MTMR3: variants seen among roughly 807,000 people sequenced by gnomAD.
The protein encoded by MTMR3 is myotubularin related protein 3, also known as phosphatidylinositol-3,5-bisphosphate 3-phosphatase MTMR3.
A neutral mutation model predicts 132.4 loss-of-function variants in MTMR3; 32 were observed. The ratio of observed to expected loss-of-function variants is 0.24; its 90% CI spans 0.18 to 0.32. The LOEUF is 0.32. Ranked by LOEUF, MTMR3 falls within the 10% of genes least tolerant of loss-of-function variation. The pLI is 1.00. For missense variants in MTMR3, 1,216 were observed against 1,489.6 expected (o/e 0.82, Z 3.02); for synonymous variants, 556 against 550.3 (o/e 1.01, Z -0.14).
At chr22:30,022,989 A>G (rs930350957) in intron 19 of MTMR3, 3 of 456,966 alleles carry the variant, frequency 6.6e-6, no homozygotes, top group Non-Finnish European at 1.2e-5. Flanking sequence ...TATTCTCAGC[A>G]TAACATTTCT....
intron 16 of MTMR3, chr22:30,019,204 A>G (rs2067683517): frequency 5.1e-6 from 1 of 195,380 alleles, no homozygotes; most frequent in Non-Finnish European, 1.0e-5. Context: ...CTCCGTCTCA[A>G]AAAAAAAAAA....
intron 1 of MTMR3, among the ~76,000 whole-genome samples, chr22:29,955,707 C>T (rs1033501130): frequency 3.3e-5 from 5 of 152,126 alleles, no homozygotes; most frequent in Admixed American, 1.3e-4. Context: ...ATTTAGCTTT[C>T]CTTTATGGTT....
intron 13 of MTMR3, 52 bp downstream of exon 13, chr22:30,012,615 C>T (rs763933034): frequency 1.1e-5 from 17 of 1,523,614 alleles, no homozygotes; most frequent in South Asian, 2.5e-5. Flanking sequence ...GCCAGGGAAA[C>T]GTCTCAGGAG....
chr22:29,990,951 C>G (rs1359399898), intron 6 of MTMR3: 1 of 152,226 alleles, frequency 6.6e-6, no homozygotes, highest in South Asian at 2.1e-4. Context: ...TACTGAAAAT[C>G]GCAGTTGACA....
intron 19 of MTMR3, 189 bp downstream of exon 19, chr22:30,022,886 T>C (rs1164344105): frequency 1.7e-6 from 1 of 586,674 alleles, no homozygotes; most frequent in African/African-American, 1.9e-5. Flanking sequence ...AAATTCAGAG[T>C]AATCACTGTT....
intron 1 of MTMR3, among the ~76,000 whole-genome samples, chr22:29,925,942 T>C (rs916405953): frequency 6.6e-6 from 1 of 151,994 alleles, no homozygotes; most frequent in Non-Finnish European, 1.5e-5. Flanking sequence ...AAAAATAAAG[T>C]ATACAATGTA....
chr22:30,022,442 G>A, intron 18 of MTMR3, 167 bp from the exon 19 acceptor site: 1 of 653,192 alleles, frequency 1.5e-6, no homozygotes, highest in Non-Finnish European at 2.7e-6. Flanking sequence ...TCCCCTCCAG[G>A]GAAACGATTT....
intron 10 of MTMR3, 141 bp downstream of exon 10, chr22:30,007,460 G>A (rs1440515125): frequency 9.8e-6 from 8 of 812,368 alleles, no homozygotes; most frequent in Admixed American, 5.0e-5. Context: ...ATTGATTGAG[G>A]AGTCATGGGT....
intron 19 of MTMR3, chr22:30,023,729 G>A (rs1199206152): frequency 9.5e-6 from 5 of 527,244 alleles, no homozygotes; most frequent in African/African-American, 5.8e-5. Context: ...TGCTTGTGAC[G>A]AGAAGTAGTG....
intron 1 of MTMR3, among the ~76,000 whole-genome samples, chr22:29,902,604 T>G (rs1408903167): frequency 6.6e-6 from 1 of 152,040 alleles, no homozygotes; most frequent in African/African-American, 2.4e-5. Context: ...CCTGACCTTG[T>G]GATCCGCCTG....
rs564584194 is a variant in MTMR3, at chr22:29,911,557, T to A, written c.-138+28198T>A. On this transcript the variant is annotated intron_variant, in intron 1 of 19. Transcript: ENST00000401950. ...GACTGTGTCTCAAAAAATTTTTTTT[T>A]AATTTTGTGTAAAATAGCTTGATTT... Among the ~76,000 whole-genome samples, 893 of 149,272 alleles carry A rather than the reference T, an allele frequency of 6.0e-3. 14 individuals carry two copies. Among genetic ancestry groups the A allele is most frequent in the African/African-American group, 0.011 (439 of 41,060 alleles).
intron 1 of MTMR3, among the ~76,000 whole-genome samples, chr22:29,921,642 C>T (rs1474155819): frequency 2.0e-5 from 3 of 152,128 alleles, no homozygotes; most frequent in African/African-American, 7.2e-5. Flanking sequence ...TTTCATCTTT[C>T]TCAATTGAAA....
At chr22:29,890,708 C>G (rs370387233) in intron 1 of MTMR3, among the ~76,000 whole-genome samples, 1 of 152,054 alleles carries the variant, frequency 6.6e-6, no homozygotes, top group East Asian at 1.9e-4. Flanking sequence ...TAGTTTGAAA[C>G]AGTTTTCTGT....
chr22:30,004,459 G>T (rs1307046624), intron 9 of MTMR3: 1 of 152,204 alleles, frequency 6.6e-6, no homozygotes, highest in Non-Finnish European at 1.5e-5. Flanking sequence ...GCTGGTTGAA[G>T]AAAAACTTCC....
At chr22:29,977,487 C>G (rs117145764) in intron 3 of MTMR3, among the ~76,000 whole-genome samples, 1 of 152,164 alleles carries the variant, frequency 6.6e-6, no homozygotes, top group African/African-American at 2.4e-5. Flanking sequence ...TAACAGAAAT[C>G]TATTTTGTAA....
intron 1 of MTMR3, among the ~76,000 whole-genome samples, chr22:29,888,766 T>TA (rs1449945829): frequency 5.5e-5 from 7 of 127,786 alleles, no homozygotes; most frequent in Non-Finnish European, 9.7e-5. Flanking sequence ...TATTAGTTAA[T>TA]ACTTTTTTTT....
At chr22:29,911,627 A>G (rs1279140145) in intron 1 of MTMR3, among the ~76,000 whole-genome samples, 1 of 150,468 alleles carries the variant, frequency 6.6e-6, no homozygotes, top group Non-Finnish European at 1.5e-5. Context: ...TGACCAGTAT[A>G]TTTAATGTTA....
At position 30,022,055 on chromosome 22, in the gene MTMR3, T is replaced by G. The variant is rs1235684366; in HGVS notation, c.3252T>G (p.Asn1084Lys). Residue 1084 changes from asparagine (N) to lysine (K), a missense_variant, in exon 18 of 20, where the codon AAT becomes AAG. Asn to Lys is a moderately conservative substitution (Grantham distance 94). This residue lies in a region of MTMR3 where 852 missense variants were observed against 852.0 expected (regional missense o/e 1.00). Transcript: ENST00000401950. ...EVTSIPDSES[N>K]LDQNCLSRCS... is the part of the protein sequence containing the mutation. Reference sequence around the variant, plus strand: ...CTTCAATCCCCGACTCGGAAAGCAATCTGGATCAGAACTGTTTGTCTCGCT... The same window carrying G: ...CTTCAATCCCCGACTCGGAAAGCAAGCTGGATCAGAACTGTTTGTCTCGCT... The G allele has an allele frequency of 1.2e-6, 2 of 1,614,090 alleles. No individual in the cohort carries two copies. The highest frequency in any genetic ancestry group is 1.7e-6 in the Non-Finnish European group (2 of 1,180,036).
chr22:29,926,081 AG>A (rs2065511440), intron 1 of MTMR3, among the ~76,000 whole-genome samples: 1 of 152,114 alleles, frequency 6.6e-6, no homozygotes, highest in Admixed American at 6.5e-5. Context: ...CGCAACTGCT[AG>A]TTGATTTTCT....
Sources: gnomAD v4.1 joint callset for allele counts (sites outside exome capture counted in the v4.1 genomes callset) on GRCh38, gnomAD v4.1.1 for gene constraint, gnomAD v4.1.1 regional missense constraint, MANE v1.5 for transcripts, NCBI Gene and HGNC (gene_info 2026-07-23, HGNC 2026-07-21) for gene names.